Variants in CLVS1 observed in about 807,000 individuals in gnomAD.
CLVS1 encodes the protein clavesin-1.
In CLVS1, 10 loss-of-function variants were observed where a neutral mutation model predicts 33.1. That is an observed-to-expected ratio of 0.30 (90% CI 0.19 to 0.51). CLVS1 has a LOEUF of 0.51. Among genes scored for constraint, CLVS1 ranks in the 20% least tolerant of loss-of-function variants. The pLI is 0.97. For synonymous variants in CLVS1, 163 were observed against 166.1 expected (o/e 0.98, Z 0.14); for missense variants, 343 against 433.4 (o/e 0.79, Z 1.85).
chr8:61,135,911 G>C (rs960740824), intron 2 of CLVS1, among the ~76,000 whole-genome samples: 1 of 152,212 alleles, frequency 6.6e-6, no homozygotes, highest in Admixed American at 6.5e-5. Flanking sequence ...CTCCCCGCTG[G>C]GCCTGTGCCC....
At chr8:61,095,902 A>G (rs961214565) in intron 1 of CLVS1, among the ~76,000 whole-genome samples, 1 of 152,270 alleles carries the variant, frequency 6.6e-6, no homozygotes, top group African/African-American at 2.4e-5. Context: ...TTCTTCATCA[A>G]TTTCTTCCTA....
intron 3 of CLVS1, among the ~76,000 whole-genome samples, chr8:61,420,699 G>A (rs1815624325): frequency 6.6e-6 from 1 of 152,042 alleles, no homozygotes; most frequent in South Asian, 2.1e-4. Flanking sequence ...GCCAGGCACG[G>A]TGGTCACACC....
At chr8:61,070,695 C>A (rs1804778676) in intron 1 of CLVS1, among the ~76,000 whole-genome samples, 1 of 152,166 alleles carries the variant, frequency 6.6e-6, no homozygotes, top group Non-Finnish European at 1.5e-5. Context: ...AAAAAATTAT[C>A]CAGGCACAGT....
chr8:61,167,159 T>C (rs1806885993), intron 2 of CLVS1, among the ~76,000 whole-genome samples: 1 of 151,450 alleles, frequency 6.6e-6, no homozygotes, highest in East Asian at 1.9e-4. Context: ...TTCTATCTCC[T>C]TTTTACCTTC....
intron 3 of CLVS1, among the ~76,000 whole-genome samples, chr8:61,427,879 T>C (rs1244420091): frequency 2.0e-5 from 3 of 152,254 alleles, no homozygotes; most frequent in African/African-American, 7.2e-5. Context: ...GTGCCTTCCA[T>C]TGCAGGCCTC....
intron 2 of CLVS1, among the ~76,000 whole-genome samples, chr8:61,168,894 G>A (rs769405653): frequency 4.6e-5 from 7 of 152,150 alleles, no homozygotes; most frequent in African/African-American, 1.2e-4. Flanking sequence ...GCTGACTGCC[G>A]TCCAGTTGCA....
intron 5 of CLVS1, among the ~76,000 whole-genome samples, chr8:61,479,615 G>T (rs372792446): frequency 1.3e-5 from 2 of 152,030 alleles, no homozygotes; most frequent in African/African-American, 2.4e-5. Context: ...GCTTTGTTCC[G>T]TTGCTGGTGA....
intron 1 of CLVS1, among the ~76,000 whole-genome samples, chr8:61,095,468 C>T (rs754161961): frequency 3.3e-5 from 5 of 152,240 alleles, no homozygotes; most frequent in Middle Eastern, 3.4e-3. Context: ...CCACACAGGG[C>T]GCGCCTAGGA....
chr8:61,223,024 T>A (rs1474980376), intron 2 of CLVS1, among the ~76,000 whole-genome samples: 1 of 152,038 alleles, frequency 6.6e-6, no homozygotes, highest in Non-Finnish European at 1.5e-5. Flanking sequence ...TCTTTCCATT[T>A]CTTTGGTAAG....
chr8:61,094,333 GTGTAC>G (rs1196584930), intron 1 of CLVS1, among the ~76,000 whole-genome samples: 1 of 152,170 alleles, frequency 6.6e-6, no homozygotes, highest in Non-Finnish European at 1.5e-5. Flanking sequence ...GGGTGCTCAT[GTGTAC>G]TGTCCTCTGA....
chr8:61,437,650 C>T (rs1371052759), intron 3 of CLVS1, among the ~76,000 whole-genome samples: 1 of 152,184 alleles, frequency 6.6e-6, no homozygotes, highest in East Asian at 1.9e-4. Flanking sequence ...ACTAAGAATA[C>T]TTGTTCATTC....
chr8:61,065,787 T>C (rs1804666990), intron 1 of CLVS1, among the ~76,000 whole-genome samples: 1 of 152,226 alleles, frequency 6.6e-6, no homozygotes, highest in South Asian at 2.1e-4. Flanking sequence ...TCTAGTTAGA[T>C]TGGTATCTTT....
intron 3 of CLVS1, among the ~76,000 whole-genome samples, chr8:61,405,093 TG>T (rs1814935639): frequency 6.6e-6 from 1 of 152,212 alleles, no homozygotes; most frequent in South Asian, 2.1e-4. Flanking sequence ...CAGAACTCTC[TG>T]GGGGGTAGTG....
chr8:61,023,287 T>A, the CLVS1 span, among the ~76,000 whole-genome samples: 1 of 152,240 alleles, frequency 6.6e-6, no homozygotes, highest in Non-Finnish European at 1.5e-5. Context: ...AGCTGGGCTC[T>A]CTGTGCCCTC....
chr8:61,209,309 C>T (rs1183854962), intron 2 of CLVS1, among the ~76,000 whole-genome samples: 2 of 152,210 alleles, frequency 1.3e-5, no homozygotes, highest in Non-Finnish European at 2.9e-5. Flanking sequence ...GCTGCCCAGG[C>T]TGAATTGCCT....
upstream of CLVS1, among the ~76,000 whole-genome samples, chr8:61,055,825 T>C (rs2129276826): frequency 6.6e-6 from 1 of 152,340 alleles, no homozygotes; most frequent in South Asian, 2.1e-4. Context: ...ACTAAAAGCA[T>C]GTATCTTGCC....
intron 2 of CLVS1, among the ~76,000 whole-genome samples, chr8:61,214,168 T>C (rs989276052): frequency 3.9e-5 from 6 of 152,204 alleles, no homozygotes; most frequent in Non-Finnish European, 8.8e-5. Flanking sequence ...TGAAACTTCA[T>C]TAGCAATTTT....
intron 2 of CLVS1, among the ~76,000 whole-genome samples, chr8:61,330,459 G>A (rs1811551878): frequency 6.6e-6 from 1 of 152,208 alleles, no homozygotes; most frequent in Non-Finnish European, 1.5e-5. Flanking sequence ...AGCATGGGCT[G>A]CAGGCTGGAG....
At chr8:61,391,063 T>G (rs1474066698) in intron 3 of CLVS1, 1 of 152,186 alleles carries the variant, frequency 6.6e-6, no homozygotes, top group Non-Finnish European at 1.5e-5. Flanking sequence ...GTTAACTATT[T>G]CTCTATGTAT....
Sources: allele counts gnomAD v4.1 joint callset (sites outside exome capture counted in the v4.1 genomes callset), GRCh38; gene constraint gnomAD v4.1.1; transcripts MANE v1.5; gene names NCBI Gene and HGNC (gene_info 2026-07-23, HGNC 2026-07-21).